Variants in MYO1F observed in about 807,000 individuals in gnomAD.
MYO1F encodes the protein unconventional myosin-If.
MYO1F carries 60 observed loss-of-function variants against 146.6 expected under a neutral mutation model. That is an observed-to-expected ratio of 0.41 (90% CI 0.33 to 0.51). The LOEUF (loss-of-function observed/expected upper bound fraction) is 0.51. MYO1F is among the 20% of genes least tolerant of loss of function. The probability of loss-of-function intolerance (pLI) is 0.25; values close to 1 mark genes in which losing one functional copy is unlikely to be tolerated. For missense variants in MYO1F, 1,274 were observed against 1,534.3 expected (o/e 0.83, Z 2.83); for synonymous variants, 602 against 602.1 (o/e 1.00, Z 0.00).
intron 23 of MYO1F, 64 bp downstream of exon 23, chr19:8,526,725 G>A: frequency 1.3e-6 from 2 of 1,542,470 alleles, no homozygotes; most frequent in East Asian, 2.4e-5. Flanking sequence ...GGGTCGGTGG[G>A]GCGGGAGAGG....
chr19:8,530,155 T>C lies in MYO1F; in HGVS notation c.2328+41A>G. 1.2e-6 allele frequency: 2 copies of C among 1,613,462 alleles called. No individual in the cohort carries two copies. The highest frequency in any genetic ancestry group is 8.5e-7 in the Non-Finnish European group (1 of 1,179,696). On this transcript the variant is annotated intron_variant, in intron 21 of 27. Coordinates refer to ENST00000644032, the MANE Select transcript of MYO1F (RefSeq NM_012335.4). This position sits in a 1 kb window ranked among gnomAD's most constrained non-coding sequence, Gnocchi z 5.8. ...TCTGGGCCAGGTGAGGGTGCCAGGC[T>C]GTAGTCAGGGTCTTGCTGTGCCCAC... is the stretch of plus-strand genomic sequence containing the variant.
At chr19:8,537,682 C>T (rs534512126) in intron 16 of MYO1F, among the ~76,000 whole-genome samples, 1 of 152,166 alleles carries the variant, frequency 6.6e-6, no homozygotes. Flanking sequence ...GATCCATCCA[C>T]CTCTGGCTCC....
intron 27 of MYO1F, 151 bp from the exon 28 acceptor site, chr19:8,521,755 C>A: frequency 1.4e-6 from 1 of 740,300 alleles, no homozygotes; most frequent in Non-Finnish European, 2.4e-6. Context: ...CCTCAGCCTC[C>A]CAAAGTGCTG....
chr19:8,525,670 C>T lies in MYO1F; in HGVS notation c.2771-108G>A, dbSNP rs1430309707. 6.6e-6 allele frequency: 6 copies of T among 904,468 alleles called. No individual in the cohort carries two copies. In the Admixed American group the frequency reaches 8.0e-5, roughly 12 times the overall value. The allele number at this position is 904,468 out of a possible 1,614,324, so 56.0% of individuals were successfully genotyped here. A position where few individuals can be genotyped will look rare whatever the true frequency, so the allele number is the denominator to read the frequency against. On this transcript the variant is annotated intron_variant, in intron 24 of 27. Coordinates refer to ENST00000644032, the MANE Select transcript of MYO1F (RefSeq NM_012335.4). ...CCGCCGCACCCCGCCCCCTCAGGCT[C>T]TCCCATTAGCACCGCCCCTTAGGTA...
rs150388329 is a variant in MYO1F, at chr19:8,561,878, G to A, written c.4-6082C>T. On this transcript the variant is annotated intron_variant, in intron 1 of 27. Coordinates refer to ENST00000644032, the MANE Select transcript of MYO1F (RefSeq NM_012335.4). ...ACTATAGGCGCGCACCACCACACCC[G>A]GCTAATTTTTGTATTTTTAGTAGAG... Among the ~76,000 whole-genome samples, 19 of 151,660 alleles carry A rather than the reference G, an allele frequency of 1.3e-4. No homozygotes were observed. In the South Asian group the frequency reaches 1.5e-3, roughly 12 times the overall value.
intron 6 of MYO1F, among the ~76,000 whole-genome samples, 197 bp downstream of exon 6, chr19:8,552,942 A>G (rs768144632): frequency 6.6e-6 from 1 of 152,164 alleles, no homozygotes; most frequent in Non-Finnish European, 1.5e-5. Flanking sequence ...TGGCCTCCAC[A>G]GTTCTGCCAA....
At chr19:8,522,312 G>A (rs1050195579) in intron 27 of MYO1F, 65 bp downstream of exon 27, 165 of 1,604,188 alleles carry the variant, frequency 1.0e-4, no homozygotes, top group South Asian at 2.0e-4. Context: ...GTGAGCCACC[G>A]CGCCCGGCCG....
Position 8,554,481 on chromosome 19 carries a change from T to C in MYO1F, c.322A>G (p.Ile108Val). The C allele has an allele frequency of 6.2e-7, 1 of 1,607,762 alleles. No homozygotes were observed. Among genetic ancestry groups the C allele is most frequent in the Non-Finnish European group, 8.5e-7 (1 of 1,174,848 alleles). ...LIDCENQCVI[I>V]SGESGAGKTV... is the part of the protein sequence containing the mutation. ...GCCCCCCAACTCTGTCCATACCTAA[T>C]GATGACACACTGGTTCTCACAGTCG... is the stretch of plus-strand genomic sequence containing the variant. The change falls in exon 4 of 28, where the codon ATT becomes GTT. Residue 108 changes from isoleucine (I) to valine (V), a missense_variant. By Grantham distance (29) the Ile-to-Val change is conservative. Coordinates refer to ENST00000644032, the MANE Select transcript of MYO1F (RefSeq NM_012335.4).
intron 21 of MYO1F, among the ~76,000 whole-genome samples, chr19:8,528,229 A>G (rs1972345987): frequency 6.7e-6 from 1 of 149,914 alleles, no homozygotes; most frequent in Non-Finnish European, 1.5e-5. Flanking sequence ...CTCAAAAACA[A>G]ACAAACAAAA....
At chr19:8,575,673 A>T (rs1211413671) in intron 1 of MYO1F, among the ~76,000 whole-genome samples, 1 of 151,440 alleles carries the variant, frequency 6.6e-6, no homozygotes, top group Non-Finnish European at 1.5e-5. Context: ...GGCATTCACC[A>T]CTCCTCCAGG....
At chr19:8,523,058 G>A (rs192497409) in intron 25 of MYO1F, among the ~76,000 whole-genome samples, 2 of 149,096 alleles carry the variant, frequency 1.3e-5, no homozygotes, top group Admixed American at 6.7e-5. Context: ...TTGAGATGGA[G>A]TCTTGCTCAG....
At chr19:8,548,819 A>C (rs1222333026) in intron 10 of MYO1F, among the ~76,000 whole-genome samples, 1 of 148,372 alleles carries the variant, frequency 6.7e-6, no homozygotes, top group Non-Finnish European at 1.5e-5. Context: ...CGATCTCCTG[A>C]CCTCGTGATC....
chr19:8,545,519 G>A (rs536178572), intron 13 of MYO1F, 131 bp downstream of exon 13: 43 of 793,614 alleles, frequency 5.4e-5, no homozygotes, highest in East Asian at 2.7e-4. Flanking sequence ...GTTATCTGTC[G>A]CTGGAAGTCC....
chr19:8,522,920 G>A (rs1350494822), intron 25 of MYO1F, 91 bp from the exon 26 acceptor site: 2 of 1,149,484 alleles, frequency 1.7e-6, no homozygotes, highest in African/African-American at 3.0e-5. Context: ...GCTGAGGGAG[G>A]AGACTGCGAC....
intron 9 of MYO1F, 45 bp downstream of exon 9, chr19:8,550,517 C>T (rs990297951): frequency 1.2e-6 from 2 of 1,613,976 alleles, no homozygotes; most frequent in Middle Eastern, 1.6e-4. Context: ...CGCAGTTCAC[C>T]CACCCACAGG....
At chr19:8,542,081 C>A (rs531200409) in intron 14 of MYO1F, 90 bp from the exon 15 acceptor site, 210 of 994,060 alleles carry the variant, frequency 2.1e-4, no homozygotes, top group Admixed American at 9.4e-4. Flanking sequence ...GTGGTCAAGG[C>A]TTTCCTGGGG....
Position 8,522,724 on chromosome 19 carries a change from G to A in MYO1F, c.2960C>T (p.Thr987Ile). 1 of 1,613,576 alleles carries A rather than the reference G, an allele frequency of 6.2e-7. No homozygotes were observed. Among genetic ancestry groups the A allele is most frequent in the Non-Finnish European group, 8.5e-7 (1 of 1,179,924 alleles). The change falls in exon 26 of 28, where the codon ACA (threonine) becomes ATA (isoleucine). Residue 987 changes from threonine to isoleucine, a missense_variant. Physicochemically the swap from Thr to Ile is moderately conservative, Grantham distance 89. Coordinates refer to ENST00000644032, the MANE Select transcript of MYO1F (RefSeq NM_012335.4). ...THRPPRGPPS[T>I]SLGASRRPRA... ...GGGTCGTCTGCTGGCTCCCAGGGAT[G>A]TGGACGGAGGGCCCCGGGGAGGCCT... is the stretch of plus-strand genomic sequence containing the variant.
chr19:8,553,165 C>T lies in MYO1F; in HGVS notation c.478G>A (p.Val160Met). The T allele has an allele frequency of 6.2e-7, 1 of 1,614,206 alleles. No homozygotes were observed. ...AAGCGGCTGGAATTGTTGTTGCGCA[C>T]AGTCTTGGCGTTGCCGAAGGCCTCG... Reference protein sequence around the residue: ...LLEAFGNAKTVRNNNSSRFGK... With the variant: ...LLEAFGNAKTMRNNNSSRFGK... Residue 160 changes from valine (V) to methionine (M), a missense_variant, in exon 6 of 28, where the codon GTG (valine) becomes ATG (methionine). Physicochemically the swap from Val to Met is conservative, Grantham distance 21. This residue lies in a region of MYO1F where 900 missense variants were observed against 1,155.1 expected (regional missense o/e 0.78). Transcript: ENST00000644032.
intron 1 of MYO1F, among the ~76,000 whole-genome samples, chr19:8,556,514 AAGAG>A (rs1973865224): frequency 6.7e-6 from 1 of 149,406 alleles, no homozygotes; most frequent in African/African-American, 2.5e-5. Flanking sequence ...AAGAGAAAGA[AAGAG>A]AAAGAAAGAA....
Sources: allele counts gnomAD v4.1 joint callset (sites outside exome capture counted in the v4.1 genomes callset), GRCh38; gene constraint gnomAD v4.1.1; regional missense constraint gnomAD v4.1.1; non-coding constraint Gnocchi (gnomAD v3.1); transcripts MANE v1.5; gene names NCBI Gene and HGNC (gene_info 2026-07-23, HGNC 2026-07-21).